FAM187B: variants seen among roughly 807,000 people sequenced by gnomAD.
The protein encoded by FAM187B is protein FAM187B.
In FAM187B, 22 loss-of-function variants were observed where a neutral mutation model predicts 22.6. That is an observed-to-expected ratio of 0.97 (90% CI 0.70 to 1.39). FAM187B has a LOEUF of 1.39. Among genes scored for constraint, FAM187B ranks in the 40% most tolerant of loss-of-function variants. The probability of loss-of-function intolerance (pLI) is 0.00; values close to 1 mark genes in which losing one functional copy is unlikely to be tolerated. For synonymous variants in FAM187B, 192 were observed against 201.8 expected, an observed-to-expected ratio of 0.95 and a Z score of 0.41; for missense variants, 433 against 462.1, an observed-to-expected ratio of 0.94 and a Z score of 0.58.
Position 35,227,984 on chromosome 19 carries a change from C to T in FAM187B, c.697G>A (p.Asp233Asn), listed in dbSNP as rs750504621. 5.3e-5 allele frequency: 85 copies of T among 1,612,128 alleles called. 2 individuals carry two copies. In the South Asian group the frequency reaches 7.9e-4, roughly 15 times the overall value. The part of the protein sequence containing the change: ...LDEKTEFVWL[D>N]CPLGSMYRPV... ...CTGTACATGGATCCTAAGGGACAGT[C>T]GAGCCACACAAATTCTGTCTTCTCA... The change falls in exon 1 of 2, where the codon GAC becomes AAC. Residue 233 changes from aspartate to asparagine, a missense_variant. Asp to Asn is a conservative substitution (Grantham distance 23). Transcript: ENST00000324675.
rs774148821 is a variant in FAM187B at position 35,225,092 on chromosome 19, C to G, written c.843G>C (p.Pro281=). ...TGGRQLQVFQ[P]AVYKCFVQQE... Reference sequence around the variant, plus strand: ...GCTGCACGAAGCACTTGTAGACGGCCGGCTGGAAAACCTGCAGCTGCCTGC... The same window carrying G: ...GCTGCACGAAGCACTTGTAGACGGCGGGCTGGAAAACCTGCAGCTGCCTGC... The change falls in exon 2 of 2, where the codon CCG becomes CCC. Residue 281 remains proline, a synonymous_variant. Transcript: ENST00000324675. 3.1e-6 allele frequency: 5 copies of G among 1,610,324 alleles called. No homozygotes were observed. In the African/African-American group the frequency reaches 5.3e-5, roughly 17 times the overall value.
chr19:35,228,708 G>C lies in FAM187B; in HGVS notation c.-28C>G, dbSNP rs765403793. ...TGGACTGGGGCTGTGGCAGTGGGCT[G>C]GTGCCACCCCGAACATTGTGAGGTC... is the stretch of plus-strand genomic sequence containing the variant. On this transcript the variant is annotated 5_prime_UTR_variant, in exon 1 of 2. Coordinates refer to ENST00000324675, the MANE Select transcript of FAM187B (RefSeq NM_152481.2). 6.3e-7 allele frequency: 1 copy of C among 1,578,224 alleles called. No homozygotes were observed. Among genetic ancestry groups the C allele is most frequent in the South Asian group, 1.2e-5 (1 of 85,582 alleles).
At position 35,228,178 on chromosome 19, in the gene FAM187B, A is replaced by G. The variant is rs745394764; in HGVS notation, c.503T>C (p.Ile168Thr). ...GECKRLGYRYIEEPLEEAMPC... is the reference protein window; with the variant it reads ...GECKRLGYRYTEEPLEEAMPC... ...CATGGCTTCCTCCAGAGGCTCCTCA[A>G]TGTAGCGGTACCCCAGGCGTTTACA... The change falls in exon 1 of 2, where the codon ATT (isoleucine) becomes ACT (threonine). Residue 168 changes from isoleucine to threonine, a missense_variant. Transcript: ENST00000324675. The G allele has an allele frequency of 4.5e-5, 72 of 1,613,970 alleles. No individual in the cohort carries two copies. Among genetic ancestry groups the G allele is most frequent in the Middle Eastern group, 3.3e-4 (2 of 6,084 alleles).
intron 1 of FAM187B, among the ~76,000 whole-genome samples, chr19:35,227,245 T>C (rs969294950): frequency 3.9e-5 from 6 of 152,042 alleles, no homozygotes; most frequent in African/African-American, 1.4e-4. Flanking sequence ...GAGTCAGAGT[T>C]GTCTCGTGAT....
Position 35,225,010 on chromosome 19 carries a change from ACT to A in FAM187B, c.923_924del (p.Gln308LeufsTer?), listed in dbSNP as rs751126919. 31 of 1,613,694 alleles carry A rather than the reference ACT, an allele frequency of 1.9e-5. No individual in the cohort carries two copies. Among genetic ancestry groups the A allele is most frequent in the Non-Finnish European group, 2.6e-5 (31 of 1,179,890 alleles). The stretch of plus-strand genomic sequence containing the variant: ...CGCCACTGGGCATCGTTCTCTCTCC[ACT>A]GAGCCTCCAGCGTCTCCAGACTGGC... ...PAASLETLEA[Q>X]WRENDAQWRE... is the part of the protein sequence containing the mutation. On this transcript the variant is annotated frameshift_variant, in exon 2 of 2. Transcript: ENST00000324675. LOFTEE classifies it low-confidence loss of function (END_TRUNC).
At chr19:35,226,386 C>T (rs534650108) in intron 1 of FAM187B, among the ~76,000 whole-genome samples, 1 of 152,078 alleles carries the variant, frequency 6.6e-6, no homozygotes, top group East Asian at 1.9e-4. Flanking sequence ...TCACCTGAGC[C>T]CGGGGAATTG....
Position 35,225,317 on chromosome 19 carries a change from C to A in FAM187B, c.723-105G>T, listed in dbSNP as rs936958701. 1.8e-4 allele frequency: 248 copies of A among 1,347,214 alleles called. 1 individual carries two copies. The highest frequency in any genetic ancestry group is 2.4e-4 in the Non-Finnish European group (242 of 1,025,718). 83.5% of individuals were successfully genotyped at this position (1,347,214 alleles called of 1,614,324 possible). The stretch of plus-strand genomic sequence containing the variant: ...ACCGCCCAGTCCCCCTCCTCGCCAC[C>A]CCCCACGGAGCACTGTGCAGCCGTC... On this transcript the variant is annotated intron_variant, in intron 1 of 1. Transcript: ENST00000324675.
At position 35,228,335 on chromosome 19, in the gene FAM187B, G is replaced by GT; in HGVS notation, c.345_346insA (p.Leu116ThrfsTer40). 6.2e-7 allele frequency: 1 copy of GT among 1,613,990 alleles called. No homozygotes were observed. The highest frequency in any genetic ancestry group is 1.3e-5 in the African/African-American group (1 of 74,836). On this transcript the variant is annotated frameshift_variant, in exon 1 of 2. Coordinates refer to ENST00000324675, the MANE Select transcript of FAM187B (RefSeq NM_152481.2). LOFTEE classifies it high-confidence loss of function. ...CCCAGGTCCTTGTGTGTTATATGCAGGGTGGTGACATCCTGAAAGTCAATT... is the reference window on the plus strand; with the variant it reads ...CCCAGGTCCTTGTGTGTTATATGCAGTGGTGGTGACATCCTGAAAGTCAATT...
At chr19:35,227,367 G>A (rs1053662024) in intron 1 of FAM187B, among the ~76,000 whole-genome samples, 2 of 152,024 alleles carry the variant, frequency 1.3e-5, no homozygotes, top group East Asian at 1.9e-4. Context: ...TTACAGGCAC[G>A]TGCCACCATA....
At chr19:35,227,443 C>T (rs2065664925) in intron 1 of FAM187B, among the ~76,000 whole-genome samples, 1 of 152,308 alleles carries the variant, frequency 6.6e-6, no homozygotes, top group South Asian at 2.1e-4. Context: ...TGGTCTCGAA[C>T]TCCTGACCTC....
Position 35,226,290 on chromosome 19 carries a change from C to T in FAM187B, c.723-1078G>A, listed in dbSNP as rs549402251. Among the ~76,000 whole-genome samples the T allele has an allele frequency of 2.5e-3, 376 of 152,148 alleles. 1 individual carries two copies. Among genetic ancestry groups the T allele is most frequent in the African/African-American group, 8.7e-3 (363 of 41,508 alleles). ...CTCAGCCTGGGCAACAAAGTGAGAC[C>T]TCATCTCTACAAAACTTAAAAACTT... is the stretch of plus-strand genomic sequence containing the variant. On this transcript the variant is annotated intron_variant, in intron 1 of 1. Transcript: ENST00000324675.
Position 35,228,729 on chromosome 19 carries a change from A to T in FAM187B, c.-49T>A. The T allele has an allele frequency of 6.4e-7, 1 of 1,554,236 alleles. No homozygotes were observed. Among genetic ancestry groups the T allele is most frequent in the South Asian group, 1.2e-5 (1 of 81,578 alleles). The stretch of plus-strand genomic sequence containing the variant: ...GGCTGGTGCCACCCCGAACATTGTG[A>T]GGTCACCCATGAACTCTGGCCTCAG... On this transcript the variant is annotated 5_prime_UTR_variant, in exon 1 of 2. Transcript: ENST00000324675.
rs1046506846 is a variant in FAM187B, at chr19:35,225,348, T to C, written c.723-136A>G. ...CGGAGCACTGTGCAGCCGTCAACAG[T>C]GGGGTGGAGGAGGCACAGCTGGGGG... On this transcript the variant is annotated intron_variant, in intron 1 of 1. Coordinates refer to ENST00000324675, the MANE Select transcript of FAM187B (RefSeq NM_152481.2). 4.4e-6 allele frequency: 5 copies of C among 1,132,246 alleles called. No individual in the cohort carries two copies. In the Admixed American group the frequency reaches 1.7e-4, roughly 39 times the overall value. The allele number at this position is 1,132,246 out of a possible 1,614,324, so 70.1% of individuals were successfully genotyped here. A position where few individuals can be genotyped will look rare whatever the true frequency, so the allele number is the denominator to read the frequency against.
At position 35,228,075 on chromosome 19, in the gene FAM187B, G is replaced by T; in HGVS notation, c.606C>A (p.His202Gln). The T allele has an allele frequency of 7.4e-6, 12 of 1,614,232 alleles. No homozygotes were observed. Among genetic ancestry groups the T allele is most frequent in the Non-Finnish European group, 1.0e-5 (12 of 1,180,048 alleles). Residue 202 changes from histidine to glutamine, a missense_variant, in exon 1 of 2, where the codon CAC becomes CAA. Transcript: ENST00000324675. ...ACTGTGTGTTATTGGTGCACTGGAC[G>T]TGGCAGGCTTCCACCTGCAGCTCAG... The part of the protein sequence containing the change: ...LRPELQVEAC[H>Q]VQCTNNTQLR...
Position 35,228,172 on chromosome 19 carries a change from T to G in FAM187B, c.509A>C (p.Glu170Ala). The change falls in exon 1 of 2, where the codon GAG (glutamate) becomes GCG (alanine). Residue 170 changes from glutamate to alanine, a missense_variant. Transcript: ENST00000324675. ...GCAGGGCATGGCTTCCTCCAGAGGC[T>G]CCTCAATGTAGCGGTACCCCAGGCG... ...CKRLGYRYIE[E>A]PLEEAMPCWL... 2 of 1,614,092 alleles carry G rather than the reference T, an allele frequency of 1.2e-6. No individual in the cohort carries two copies. The highest frequency in any genetic ancestry group is 1.7e-6 in the Non-Finnish European group (2 of 1,179,930).
intron 1 of FAM187B, among the ~76,000 whole-genome samples, 200 bp downstream of exon 1, chr19:35,227,759 T>C (rs2065665796): frequency 6.6e-6 from 1 of 152,234 alleles, no homozygotes; most frequent in African/African-American, 2.4e-5. Context: ...TCTGTCTGCC[T>C]GGGCTTCTCC....
intron 1 of FAM187B, among the ~76,000 whole-genome samples, chr19:35,227,277 T>G (rs887621415): frequency 4.6e-5 from 7 of 152,202 alleles, no homozygotes; most frequent in African/African-American, 1.7e-4. Context: ...TGGAGTGCAG[T>G]GGTGTGATCT....
chr19:35,226,612 A>C (rs2065662439), intron 1 of FAM187B, among the ~76,000 whole-genome samples: 1 of 152,226 alleles, frequency 6.6e-6, no homozygotes, highest in African/African-American at 2.4e-5. Flanking sequence ...TAGTGGAGAA[A>C]TGAATCAGGC....
chr19:35,225,425 CCTGGCTCCACCCCTTA>C (rs1468382676), intron 1 of FAM187B, among the ~76,000 whole-genome samples: 1 of 151,894 alleles, frequency 6.6e-6, no homozygotes, highest in Non-Finnish European at 1.5e-5. Context: ...CTCCCCTCTT[CCTGGCTCCACCCCTTA>C]CTGGCCCCAC....
Sources: allele counts gnomAD v4.1 joint callset (sites outside exome capture counted in the v4.1 genomes callset), GRCh38; gene constraint gnomAD v4.1.1; transcripts MANE v1.5; gene names NCBI Gene and HGNC (gene_info 2026-07-23, HGNC 2026-07-21).